The following ASCC3 variants were observed in gnomAD, a reference collection of about 807,000 sequenced individuals.
The protein encoded by ASCC3 is ASC-1 complex subunit P200.
In ASCC3, 158 loss-of-function variants were observed where a neutral mutation model predicts 256.3. The observed-to-expected ratio is 0.62, with a 90% CI of 0.54 to 0.70. The LOEUF is 0.70. ASCC3 is among the 30% of genes least tolerant of loss of function. ASCC3 has a pLI of 0.00. For missense variants in ASCC3, 2,259 were observed against 2,626.0 expected (o/e 0.86, Z 3.05); for synonymous variants, 948 against 883.4 (o/e 1.07, Z -1.30).
intron 13 of ASCC3, among the ~76,000 whole-genome samples, chr6:100,692,379 T>C (rs1227052378): frequency 1.3e-5 from 2 of 152,210 alleles, no homozygotes; most frequent in African/African-American, 4.8e-5. Flanking sequence ...TAAAAATTTA[T>C]AAATGCTTCA....
intron 10 of ASCC3, among the ~76,000 whole-genome samples, chr6:100,761,214 G>A (rs1489692562): frequency 1.3e-5 from 2 of 152,186 alleles, no homozygotes; most frequent in African/African-American, 4.8e-5. Flanking sequence ...AAGAAGGCCT[G>A]GCATGGTAGC....
At chr6:100,867,432 T>TAG (rs1298288520) in intron 2 of ASCC3, among the ~76,000 whole-genome samples, 1 of 152,182 alleles carries the variant, frequency 6.6e-6, no homozygotes, top group East Asian at 1.9e-4. Context: ...ATGCCTTTCT[T>TAG]ACCAATTATA....
intron 16 of ASCC3, among the ~76,000 whole-genome samples, chr6:100,660,109 G>A (rs1264065788): frequency 1.3e-5 from 2 of 151,500 alleles, no homozygotes; most frequent in Non-Finnish European, 3.0e-5. Flanking sequence ...TGAGAAGAGG[G>A]CAAATGCTAT....
At chr6:100,640,314 C>G (rs1033278439) in intron 24 of ASCC3, among the ~76,000 whole-genome samples, 24 of 152,078 alleles carry the variant, frequency 1.6e-4, no homozygotes, top group Admixed American at 6.5e-5. Context: ...GAAGGTTTTT[C>G]TTGGCTCATT....
intron 33 of ASCC3, among the ~76,000 whole-genome samples, chr6:100,604,887 T>C (rs977681294): frequency 9.9e-5 from 15 of 152,178 alleles, no homozygotes; most frequent in African/African-American, 3.4e-4. Context: ...AAAAGGACTA[T>C]GATAAAAGGT....
chr6:100,579,849 C>G (rs1478630313), intron 36 of ASCC3, among the ~76,000 whole-genome samples: 1 of 152,054 alleles, frequency 6.6e-6, no homozygotes, highest in Admixed American at 6.6e-5. Context: ...ATAGTCTTTC[C>G]TAATTCTGTG....
chr6:100,627,777 T>C (rs1774315668), intron 28 of ASCC3, 65 bp downstream of exon 28: 1 of 1,609,364 alleles, frequency 6.2e-7, no homozygotes, highest in Non-Finnish European at 8.5e-7. Context: ...TTATAATATC[T>C]CTTAAAAGGA....
chr6:100,611,906 A>T (rs1241831117), intron 30 of ASCC3, among the ~76,000 whole-genome samples: 1 of 151,892 alleles, frequency 6.6e-6, no homozygotes, highest in African/African-American at 2.4e-5. Context: ...TGATAGAAGA[A>T]GTTTTACTTC....
chr6:100,568,744 T>C (rs2114719662), intron 36 of ASCC3, among the ~76,000 whole-genome samples: 1 of 139,556 alleles, frequency 7.2e-6, no homozygotes, highest in South Asian at 2.3e-4. Flanking sequence ...TTTGAGGACT[T>C]AGTCATAAAT....
intron 10 of ASCC3, among the ~76,000 whole-genome samples, chr6:100,763,371 C>T (rs904744269): frequency 2.0e-5 from 3 of 152,218 alleles, no homozygotes; most frequent in East Asian, 1.9e-4. Flanking sequence ...AAATTACTGA[C>T]GAAGGATACA....
chr6:100,545,127 C>G (rs1033612695), intron 36 of ASCC3, among the ~76,000 whole-genome samples: 1 of 152,122 alleles, frequency 6.6e-6, no homozygotes, highest in Non-Finnish European at 1.5e-5. Flanking sequence ...AAACTCTCAG[C>G]AAACTAAGAA....
At chr6:100,639,265 T>C (rs1383187238) in intron 24 of ASCC3, among the ~76,000 whole-genome samples, 1 of 152,216 alleles carries the variant, frequency 6.6e-6, no homozygotes, top group Non-Finnish European at 1.5e-5. Context: ...ACTATTGTTG[T>C]CAATGGAAAG....
chr6:100,532,402 ATATATTTTTT>A (rs1231224085), intron 37 of ASCC3, among the ~76,000 whole-genome samples: 88 of 62,362 alleles, frequency 1.4e-3, no homozygotes, highest in African/African-American at 3.0e-3. Flanking sequence ...ATATATATAT[ATATATTTTTT>A]TTTTTTTTTT....
At chr6:100,684,504 G>C (rs986306821) in intron 13 of ASCC3, among the ~76,000 whole-genome samples, 2 of 152,124 alleles carry the variant, frequency 1.3e-5, no homozygotes, top group Non-Finnish European at 2.9e-5. Flanking sequence ...CAGAAACTTT[G>C]AGAACCTCTG....
At chr6:100,851,486 T>C (rs1449927006) in intron 3 of ASCC3, among the ~76,000 whole-genome samples, 3 of 152,202 alleles carry the variant, frequency 2.0e-5, no homozygotes, top group Non-Finnish European at 4.4e-5. Context: ...GTAAAAAAGC[T>C]ATAAGCCCAT....
At chr6:100,591,904 G>GA (rs997789858) in intron 34 of ASCC3, among the ~76,000 whole-genome samples, 4 of 150,984 alleles carry the variant, frequency 2.6e-5, no homozygotes, top group African/African-American at 9.7e-5. Context: ...AACTATCAAT[G>GA]AAAAAAAACT....
intron 36 of ASCC3, among the ~76,000 whole-genome samples, chr6:100,580,624 C>A (rs1771173714): frequency 1.3e-5 from 2 of 151,944 alleles, no homozygotes; most frequent in South Asian, 2.1e-4. Flanking sequence ...GGTACATGTG[C>A]ACAATGTGCA....
chr6:100,512,572 ACT>A, intron 40 of ASCC3, 135 bp downstream of exon 40: 1 of 905,116 alleles, frequency 1.1e-6, no homozygotes, highest in Non-Finnish European at 1.8e-6. Context: ...CAAAAGACTA[ACT>A]CTCGCTGCTT....
chr6:100,613,163 A>C (rs886494915), intron 30 of ASCC3, among the ~76,000 whole-genome samples: 1 of 150,914 alleles, frequency 6.6e-6, no homozygotes, highest in South Asian at 2.1e-4. Context: ...TAGATTGCGT[A>C]GTGGGCAAGT....
Sources: gnomAD v4.1 joint callset for allele counts (sites outside exome capture counted in the v4.1 genomes callset) on GRCh38, gnomAD v4.1.1 for gene constraint, MANE v1.5 for transcripts, NCBI Gene and HGNC (gene_info 2026-07-23, HGNC 2026-07-21) for gene names.